Variants in DYM observed in about 807,000 individuals in gnomAD.
DYM encodes the protein dyggve-Melchior-Clausen syndrome protein.
DYM carries 78 observed loss-of-function variants against 93.1 expected under a neutral mutation model. The observed-to-expected ratio is 0.84, with a 90% CI of 0.70 to 1.01. The LOEUF is 1.01. Among genes scored for constraint, DYM ranks in the 50% least tolerant of loss-of-function variants. The pLI is 0.00. For missense variants in DYM, 789 were observed against 845.0 expected (o/e 0.93, Z 0.82); for synonymous variants, 321 against 319.7 (o/e 1.00, Z -0.04).
chr18:49,163,740 G>C lies in DYM; in HGVS notation c.1673C>G (p.Ala558Gly). The change falls in exon 15 of 18, where the codon GCC (alanine) becomes GGC (glycine). Residue 558 changes from alanine (A) to glycine (G), a missense_variant. Around this residue, in one of 3 missense-constraint regions of DYM, gnomAD observed 225 missense variants for 303.0 expected, o/e 0.74. Coordinates refer to ENST00000675505, the MANE Select transcript of DYM (RefSeq NM_001353214.3). ...CAGCGAACCTCTCAAGGACTGTGTGGCTTGTTCCAGAACTTTGTTGTGTTT... is the reference window on the plus strand; with the variant it reads ...CAGCGAACCTCTCAAGGACTGTGTGCCTTGTTCCAGAACTTTGTTGTGTTT... ...SKKHNKVLEQ[A>G]TQSLRGSLSS... The C allele has an allele frequency of 6.2e-7, 1 of 1,612,710 alleles. No individual in the cohort carries two copies.
chr18:49,365,909 TAC>T (rs1252495293), intron 5 of DYM, among the ~76,000 whole-genome samples: 1 of 152,210 alleles, frequency 6.6e-6, no homozygotes, highest in Non-Finnish European at 1.5e-5. Context: ...CGGCCAAATT[TAC>T]AGTTGGGTCA....
intron 11 of DYM, among the ~76,000 whole-genome samples, chr18:49,261,064 C>T (rs1276257046): frequency 1.3e-5 from 2 of 152,222 alleles, no homozygotes; most frequent in East Asian, 3.9e-4. Flanking sequence ...AGATCATTCT[C>T]TAGCAAGTCT....
intron 2 of DYM, among the ~76,000 whole-genome samples, chr18:49,405,654 A>G (rs2071405933): frequency 6.6e-6 from 1 of 152,180 alleles, no homozygotes; most frequent in South Asian, 2.1e-4. Flanking sequence ...CTTAGAGGTC[A>G]GATAATGTGA....
rs931913332 is a variant in DYM at position 49,190,921 on chromosome 18, TATAAAAC to T, written c.1625+18623_1625+18629del. 7.4e-4 allele frequency among the ~76,000 whole-genome samples: 113 copies of T among 152,326 alleles called. 2 individuals are homozygous for T. Among genetic ancestry groups the T allele is most frequent in the African/African-American group, 2.7e-3 (112 of 41,580 alleles). On this transcript the variant is annotated intron_variant, in intron 14 of 17. Coordinates refer to ENST00000675505, the MANE Select transcript of DYM (RefSeq NM_001353214.3). ...CTTACTTTATAGTAGAAATACAGTA[TATAAAAC>T]ATAAAACATACAAAATATATGTTAA...
chr18:49,199,395 C>G (rs2091816354), intron 14 of DYM, among the ~76,000 whole-genome samples: 1 of 152,114 alleles, frequency 6.6e-6, no homozygotes, highest in Admixed American at 6.6e-5. Flanking sequence ...AAAAATTTAT[C>G]TATTACATTT....
intron 13 of DYM, among the ~76,000 whole-genome samples, chr18:49,232,579 G>A (rs1386428437): frequency 2.0e-5 from 3 of 148,628 alleles, no homozygotes; most frequent in Admixed American, 1.4e-4. Flanking sequence ...TGGGATTACA[G>A]GCGTGAGCCA....
intron 4 of DYM, 43 bp from the exon 5 acceptor site, chr18:49,378,743 A>G: frequency 6.2e-7 from 1 of 1,601,450 alleles, no homozygotes; most frequent in Non-Finnish European, 8.5e-7. Flanking sequence ...TTTAAACATA[A>G]GCACCATAGT....
rs749112988 is a variant in DYM at position 49,333,716 on chromosome 18, G to A, written c.620+12C>T. ...AATGAAAAAACTAGACATACTTAAA[G>A]TAGAAACATACCATGGACCTCGCAT... On this transcript the variant is annotated intron_variant, in intron 7 of 17. Coordinates refer to ENST00000675505, the MANE Select transcript of DYM (RefSeq NM_001353214.3). The A allele has an allele frequency of 2.5e-6, 4 of 1,613,400 alleles. No individual in the cohort carries two copies. The Admixed American group carries it at 5.0e-5, about 20-fold the overall frequency.
Position 49,103,480 on chromosome 18 carries a change from C to G in DYM, c.1912-5965G>C, listed in dbSNP as rs147613541. 3.0e-3 allele frequency among the ~76,000 whole-genome samples: 461 copies of G among 152,258 alleles called. 3 individuals carry two copies. Among genetic ancestry groups the G allele is most frequent in the African/African-American group, 0.01 (427 of 41,538 alleles). ...GCTTTTGGTGTTTTAGACATGAAGT[C>G]CTTGCCTATGTCTATGTCCTGAATG... On this transcript the variant is annotated intron_variant, in intron 16 of 17. Coordinates refer to ENST00000675505, the MANE Select transcript of DYM (RefSeq NM_001353214.3).
At chr18:49,343,633 A>G (rs2064337169) in intron 6 of DYM, among the ~76,000 whole-genome samples, 1 of 152,174 alleles carries the variant, frequency 6.6e-6, no homozygotes, top group Non-Finnish European at 1.5e-5. Context: ...AGGACTGACA[A>G]CCAGTGAATA....
intron 10 of DYM, among the ~76,000 whole-genome samples, chr18:49,275,499 A>G (rs1046729098): frequency 1.3e-5 from 2 of 152,174 alleles, no homozygotes; most frequent in African/African-American, 4.8e-5. Context: ...CAATCTCTAT[A>G]AAGAAGTCAA....
chr18:49,075,116 G>A (rs1209948532), intron 17 of DYM, among the ~76,000 whole-genome samples: 1 of 152,220 alleles, frequency 6.6e-6, no homozygotes, highest in African/African-American at 2.4e-5. Context: ...GCTGAACAGA[G>A]ACGAACAGCA....
At chr18:49,230,010 A>G (rs1458897939) in intron 13 of DYM, among the ~76,000 whole-genome samples, 3 of 152,152 alleles carry the variant, frequency 2.0e-5, no homozygotes, top group East Asian at 3.9e-4. Context: ...GATTTATGAC[A>G]AAGTGGCAAA....
At chr18:49,202,641 C>A (rs1379845886) in intron 14 of DYM, among the ~76,000 whole-genome samples, 1 of 111,730 alleles carries the variant, frequency 9.0e-6, no homozygotes, top group Non-Finnish European at 1.9e-5. Flanking sequence ...GCCTCTGCCC[C>A]GCCGCCCCAT....
intron 8 of DYM, among the ~76,000 whole-genome samples, chr18:49,311,322 A>G (rs912829447): frequency 2.0e-5 from 3 of 152,240 alleles, no homozygotes; most frequent in African/African-American, 7.2e-5. Context: ...GAGTATAAAT[A>G]AGAGAGCCAA....
chr18:49,068,575 G>A (rs140887125), intron 17 of DYM, among the ~76,000 whole-genome samples: 1 of 152,308 alleles, frequency 6.6e-6, no homozygotes, highest in African/African-American at 2.4e-5. Context: ...CTGGACTGCT[G>A]GAGGTGAGGA....
intron 17 of DYM, among the ~76,000 whole-genome samples, chr18:49,090,997 A>G (rs1033109018): frequency 6.6e-6 from 1 of 152,246 alleles, no homozygotes; most frequent in African/African-American, 2.4e-5. Flanking sequence ...CAAAGTGACC[A>G]AGACCTCCAG....
chr18:49,430,160 TAGAC>T (rs1363405232), intron 2 of DYM, 91 bp downstream of exon 2: 27 of 1,157,506 alleles, frequency 2.3e-5, no homozygotes, highest in African/African-American at 1.2e-4. Context: ...ACTAGATAGA[TAGAC>T]AGAACATTTC....
At chr18:49,062,455 G>A (rs1364315323) in intron 17 of DYM, among the ~76,000 whole-genome samples, 1 of 152,108 alleles carries the variant, frequency 6.6e-6, no homozygotes, top group African/African-American at 2.4e-5. Flanking sequence ...AGCCACTGAT[G>A]GACTCTTCTG....
Sources: gnomAD v4.1 joint callset for allele counts (sites outside exome capture counted in the v4.1 genomes callset) on GRCh38, gnomAD v4.1.1 for gene constraint, gnomAD v4.1.1 regional missense constraint, MANE v1.5 for transcripts, NCBI Gene and HGNC (gene_info 2026-07-23, HGNC 2026-07-21) for gene names.